RICTOR: variants seen among roughly 807,000 people sequenced by gnomAD.
The protein encoded by RICTOR is RPTOR independent companion of MTOR complex 2.
Under a neutral mutation model 214.9 loss-of-function variants are expected in RICTOR, and 49 were observed. That is an observed-to-expected ratio of 0.23 (90% CI 0.18 to 0.29). RICTOR has a LOEUF of 0.29. RICTOR is among the 10% of genes least tolerant of loss of function. RICTOR has a pLI of 1.00. For missense variants in RICTOR, 1,625 were observed against 2,047.0 expected (o/e 0.79, Z 3.98); for synonymous variants, 717 against 711.3 (o/e 1.01, Z -0.13).
chr5:38,972,245 TG>T (rs1750849313), intron 10 of RICTOR, among the ~76,000 whole-genome samples: 2 of 152,208 alleles, frequency 1.3e-5, no homozygotes, highest in Admixed American at 1.3e-4. Flanking sequence ...AACTCTTCTC[TG>T]GGAGTAAGAA....
At chr5:38,965,726 G>A (rs747585724) in intron 15 of RICTOR, among the ~76,000 whole-genome samples, 3 of 151,906 alleles carry the variant, frequency 2.0e-5, no homozygotes, top group Non-Finnish European at 2.9e-5. Flanking sequence ...TTTAAAAAAA[G>A]AAAGTTAAAT....
At chr5:38,990,653 A>ATCATATATC in intron 7 of RICTOR, among the ~76,000 whole-genome samples, 1 of 52,334 alleles carries the variant, frequency 1.9e-5, no homozygotes, top group African/African-American at 6.1e-5. Context: ...TATCAGATAT[A>ATCATATATC]TGATATATAT....
At chr5:39,023,938 A>C (rs1057322724) in intron 2 of RICTOR, among the ~76,000 whole-genome samples, 1 of 152,198 alleles carries the variant, frequency 6.6e-6, no homozygotes, top group African/African-American at 2.4e-5. Context: ...ATTCAATCTT[A>C]AGTGATTTAG....
chr5:39,048,155 C>T (rs1323738925), intron 2 of RICTOR, among the ~76,000 whole-genome samples: 4 of 152,188 alleles, frequency 2.6e-5, no homozygotes, highest in East Asian at 1.9e-4. Context: ...CACCTGTGAG[C>T]ATGTCATAAG....
In RICTOR at chr5:39,002,668, T is replaced by A. The variant is rs1386092609; in HGVS notation, c.261-2A>T. The A allele has an allele frequency of 6.3e-7, 1 of 1,599,732 alleles. No homozygotes were observed. Among genetic ancestry groups the A allele is most frequent in the Non-Finnish European group, 8.5e-7 (1 of 1,175,612 alleles). On this transcript the variant is annotated splice_acceptor_variant, in intron 4 of 37. Transcript: ENST00000357387. LOFTEE classifies it high-confidence loss of function. ...TCATTTAATAAAGCTAACCGCAAAC[T>A]GTATGAAAACAAACAAAATACAAGT...
chr5:39,031,251 G>A (rs183854547), intron 2 of RICTOR, among the ~76,000 whole-genome samples: 2 of 152,206 alleles, frequency 1.3e-5, no homozygotes, highest in Admixed American at 1.3e-4. Flanking sequence ...CCTTAAAGAG[G>A]CACTGAAAAG....
At chr5:39,000,380 TCAA>T (rs1382869889) in intron 5 of RICTOR, among the ~76,000 whole-genome samples, 1 of 151,908 alleles carries the variant, frequency 6.6e-6, no homozygotes, top group Non-Finnish European at 1.5e-5. Context: ...AAAATAATGG[TCAA>T]CAACTCTCAT....
intron 9 of RICTOR, 97 bp downstream of exon 9, chr5:38,978,486 A>T (rs1343870230): frequency 1.7e-5 from 8 of 474,220 alleles, no homozygotes; most frequent in Non-Finnish European, 3.0e-5. Flanking sequence ...ATTTAAACTC[A>T]CATTTCTCTG....
chr5:39,026,285 G>A (rs1467827080), intron 2 of RICTOR, among the ~76,000 whole-genome samples: 1 of 152,146 alleles, frequency 6.6e-6, no homozygotes, highest in Non-Finnish European at 1.5e-5. Context: ...TAAGGCTGCA[G>A]TGGGCAGTGA....
At chr5:39,016,510 CTT>C (rs1173755170) in intron 3 of RICTOR, among the ~76,000 whole-genome samples, 2 of 151,714 alleles carry the variant, frequency 1.3e-5, no homozygotes, top group Admixed American at 1.3e-4. Context: ...GAGCGAATAA[CTT>C]AGTGAAATAC....
chr5:38,993,922 C>G (rs1752967154), intron 6 of RICTOR, among the ~76,000 whole-genome samples: 1 of 152,202 alleles, frequency 6.6e-6, no homozygotes, highest in African/African-American at 2.4e-5. Context: ...GTGGCTCACG[C>G]CTGTAATCCC....
At chr5:38,972,262 G>A (rs1199875349) in intron 10 of RICTOR, among the ~76,000 whole-genome samples, 1 of 152,194 alleles carries the variant, frequency 6.6e-6, no homozygotes, top group African/African-American at 2.4e-5. Flanking sequence ...AAGAACACGG[G>A]AGAAAAATCA....
rs1750325311 is a variant in RICTOR at position 38,967,350 on chromosome 5, G to A, written c.1138C>T (p.Arg380Cys). The change falls in exon 13 of 38, where the codon CGT becomes TGT. Residue 380 changes from arginine (R) to cysteine (C), a missense_variant. By Grantham distance (180) the Arg-to-Cys change is radical. Around this residue, in one of 5 missense-constraint regions of RICTOR, gnomAD observed 1,214 missense variants for 1,470.5 expected, o/e 0.83. Transcript: ENST00000357387. ...TTTAAATTCTACCTGGATCTGGCACGATGAGGAAGAATAGTTTTTGCCTCA... is the reference window on the plus strand; with the variant it reads ...TTTAAATTCTACCTGGATCTGGCACAATGAGGAAGAATAGTTTTTGCCTCA... Reference protein sequence around the residue: ...AAEAKTILPHRARSRPDLMDN... With the variant: ...AAEAKTILPHCARSRPDLMDN... 10 of 1,613,202 alleles carry A rather than the reference G, an allele frequency of 6.2e-6. No individual in the cohort carries two copies. The highest frequency in any genetic ancestry group is 2.2e-5 in the East Asian group (1 of 44,874).
intron 3 of RICTOR, among the ~76,000 whole-genome samples, chr5:39,007,619 C>A (rs1000097359): frequency 2.0e-5 from 3 of 151,950 alleles, no homozygotes; most frequent in African/African-American, 7.2e-5. Context: ...CAAAGAAGAA[C>A]AGGCAAAGAA....
intron 31 of RICTOR, chr5:38,949,448 A>AT: frequency 6.4e-7 from 1 of 1,570,634 alleles, no homozygotes; most frequent in Non-Finnish European, 8.6e-7. Context: ...CGAGAAATAA[A>AT]TAAAAAAAAG....
At chr5:39,019,259 C>A (rs139289252) in intron 3 of RICTOR, among the ~76,000 whole-genome samples, 24 of 152,240 alleles carry the variant, frequency 1.6e-4, no homozygotes, top group African/African-American at 4.1e-4. Context: ...GATCACTGAC[C>A]AAGGTAGCTA....
intron 2 of RICTOR, among the ~76,000 whole-genome samples, chr5:39,043,351 G>A (rs981932040): frequency 6.6e-6 from 1 of 152,122 alleles, no homozygotes; most frequent in African/African-American, 2.4e-5. Context: ...GGATGAACCA[G>A]GAGGACATGA....
intron 2 of RICTOR, among the ~76,000 whole-genome samples, chr5:39,040,879 T>C (rs1757115097): frequency 6.6e-6 from 1 of 152,166 alleles, no homozygotes; most frequent in African/African-American, 2.4e-5. Flanking sequence ...ATGATCTCAT[T>C]CCTGGAGATC....
intron 7 of RICTOR, among the ~76,000 whole-genome samples, chr5:38,984,800 T>C (rs1752026122): frequency 6.6e-6 from 1 of 152,072 alleles, no homozygotes; most frequent in Non-Finnish European, 1.5e-5. Flanking sequence ...GGTTGAACTT[T>C]TAAAATATGT....
Sources: gnomAD v4.1 joint callset for allele counts (sites outside exome capture counted in the v4.1 genomes callset) on GRCh38, gnomAD v4.1.1 for gene constraint, gnomAD v4.1.1 regional missense constraint, MANE v1.5 for transcripts, NCBI Gene and HGNC (gene_info 2026-07-23, HGNC 2026-07-21) for gene names.